Variants in VRK2 observed in about 807,000 individuals in gnomAD.
VRK2 encodes the protein VRK serine/threonine kinase 2, also known as serine/threonine-protein kinase VRK2.
VRK2 carries 60 observed loss-of-function variants against 57.6 expected under a neutral mutation model. The ratio of observed to expected loss-of-function variants is 1.04; its 90% confidence interval spans 0.85 to 1.29. VRK2 has a LOEUF of 1.29. Ranked by LOEUF, VRK2 falls within the 50% of genes most tolerant of loss-of-function variation. VRK2 has a pLI of 0.00. For synonymous variants in VRK2, 231 were observed against 199.2 expected (o/e 1.16, Z -1.35); for missense variants, 705 against 588.1 (o/e 1.20, Z -2.06).
chr2:58,137,152 G>A (rs1384155105), intron 10 of VRK2, among the ~76,000 whole-genome samples: 14 of 1,344 alleles, frequency 0.01, no homozygotes, highest in East Asian at 0.062. Flanking sequence ...TATATATCAT[G>A]TGTTTATATA....
At chr2:58,021,843 T>C (rs1231574697) in intron 1 of VRK2, among the ~76,000 whole-genome samples, 1 of 152,224 alleles carries the variant, frequency 6.6e-6, no homozygotes, top group Non-Finnish European at 1.5e-5. Context: ...GAAAATATGA[T>C]TGAAAGAAAT....
chr2:58,046,393 C>T (rs1674752052), upstream of VRK2: 1 of 738,950 alleles, frequency 1.4e-6, no homozygotes. Context: ...CTGGAGTCTT[C>T]GCTAGTACCA....
intron 2 of VRK2, among the ~76,000 whole-genome samples, chr2:58,054,206 T>G (rs980760131): frequency 8.5e-5 from 13 of 152,084 alleles, no homozygotes; most frequent in Admixed American, 7.9e-4. Flanking sequence ...GCTTTTTCAT[T>G]TTTTTAAATA....
Position 58,013,858 on chromosome 2 carries a change from CA to C in VRK2, c.-438-11783del, listed in dbSNP as rs60604486. ...TGGGCGACAGAACGAGACTCCGTCT[CA>C]AAAAAAAAAAAAAAAAAAAAAAAGA... On this transcript the variant is annotated intron_variant, in intron 1 of 15. Transcript: ENST00000417641. 1.3e-3 allele frequency among the ~76,000 whole-genome samples: 79 copies of C among 62,806 alleles called. No individual in the cohort carries two copies. In the Middle Eastern group the frequency reaches 0.038, roughly 30 times the overall value. 41.2% of individuals were successfully genotyped at this position (62,806 alleles called of 152,430 possible).
chr2:57,961,291 G>A (rs1402419325), intron 1 of VRK2, among the ~76,000 whole-genome samples: 1 of 152,136 alleles, frequency 6.6e-6, no homozygotes, highest in Non-Finnish European at 1.5e-5. Flanking sequence ...AGGGAAGGAG[G>A]AAGAGCTGTC....
At chr2:57,975,982 G>A (rs1672240833) in intron 1 of VRK2, among the ~76,000 whole-genome samples, 1 of 151,918 alleles carries the variant, frequency 6.6e-6, no homozygotes, top group African/African-American at 2.4e-5. Flanking sequence ...TGCAATCAAC[G>A]TTTAGCTCCC....
At chr2:57,958,487 CAT>C (rs943119168) in intron 1 of VRK2, among the ~76,000 whole-genome samples, 6 of 150,664 alleles carry the variant, frequency 4.0e-5, no homozygotes, top group Non-Finnish European at 5.9e-5. Context: ...ACACATATAT[CAT>C]ATATGTGTCA....
intron 1 of VRK2, among the ~76,000 whole-genome samples, chr2:57,918,017 A>G (rs1481686972): frequency 6.6e-6 from 1 of 152,156 alleles, no homozygotes; most frequent in South Asian, 2.1e-4. Flanking sequence ...TTTATTAACT[A>G]AAGTTGAAAA....
At chr2:58,026,404 T>C (rs1277041952) in intron 2 of VRK2, among the ~76,000 whole-genome samples, 2 of 152,112 alleles carry the variant, frequency 1.3e-5, no homozygotes, top group Admixed American at 1.3e-4. Context: ...ACATCCTATA[T>C]GTTTAACTAA....
chr2:58,031,720 CTTTTGTTCTCATAGCTACCTCTGGA>C (rs908638687), intron 2 of VRK2, among the ~76,000 whole-genome samples: 3 of 152,018 alleles, frequency 2.0e-5, no homozygotes, highest in African/African-American at 7.2e-5. Context: ...CTTTCAGAGG[CTTTTGTTCTCATAGCTACCTCTGGA>C]TTGCTGCTTT....
intron 2 of VRK2, among the ~76,000 whole-genome samples, chr2:58,030,381 T>C (rs921291231): frequency 6.6e-6 from 1 of 152,118 alleles, no homozygotes; most frequent in Non-Finnish European, 1.5e-5. Flanking sequence ...TTTCATAGTT[T>C]GGGGTTTTAC....
intron 1 of VRK2, among the ~76,000 whole-genome samples, chr2:57,974,718 C>T (rs1205348985): frequency 6.6e-6 from 1 of 151,546 alleles, no homozygotes; most frequent in African/African-American, 2.4e-5. Context: ...AGGAAACAGC[C>T]AACTGTAAAA....
chr2:58,127,951 CTAGT>C (rs1678614045), intron 8 of VRK2, among the ~76,000 whole-genome samples: 1 of 152,152 alleles, frequency 6.6e-6, no homozygotes, highest in Non-Finnish European at 1.5e-5. Context: ...GTGAATTGGG[CTAGT>C]TAATTTTATT....
At chr2:57,931,675 A>G (rs1670729342) in intron 1 of VRK2, among the ~76,000 whole-genome samples, 1 of 152,148 alleles carries the variant, frequency 6.6e-6, no homozygotes, top group Non-Finnish European at 1.5e-5. Context: ...TATCATATCC[A>G]AAAAATTATC....
At chr2:58,060,389 T>G (rs1037490748) in intron 2 of VRK2, among the ~76,000 whole-genome samples, 6 of 151,726 alleles carry the variant, frequency 4.0e-5, no homozygotes, top group Admixed American at 6.6e-5. Flanking sequence ...GGGGAGCACT[T>G]TTAAGTTCCT....
At chr2:57,949,616 A>G (rs1212601349) in intron 1 of VRK2, among the ~76,000 whole-genome samples, 1 of 152,150 alleles carries the variant, frequency 6.6e-6, no homozygotes, top group Non-Finnish European at 1.5e-5. Flanking sequence ...CTGTTCCTTG[A>G]GACACAATAA....
At chr2:57,963,927 C>T (rs925285615) in intron 1 of VRK2, among the ~76,000 whole-genome samples, 6 of 152,188 alleles carry the variant, frequency 3.9e-5, no homozygotes, top group African/African-American at 1.4e-4. Flanking sequence ...GTCTTTAGTG[C>T]TCCAGGAACC....
intron 5 of VRK2, 96 bp downstream of exon 5, chr2:58,086,522 A>G: frequency 9.4e-7 from 1 of 1,061,748 alleles, no homozygotes. Flanking sequence ...ACCAAAACAT[A>G]TTGGCATATA....
chr2:58,044,055 T>G (rs1674574178), upstream of VRK2, among the ~76,000 whole-genome samples: 1 of 152,230 alleles, frequency 6.6e-6, no homozygotes, highest in African/African-American at 2.4e-5. Flanking sequence ...GATCTTGTAT[T>G]TAGATTTAGC....
Sources: allele counts gnomAD v4.1 joint callset (sites outside exome capture counted in the v4.1 genomes callset), GRCh38; gene constraint gnomAD v4.1.1; transcripts MANE v1.5; gene names NCBI Gene and HGNC (gene_info 2026-07-23, HGNC 2026-07-21).